MGAT4C: variants seen among roughly 807,000 people sequenced by gnomAD.
The protein encoded by MGAT4C is alpha-1,3-mannosyl-glycoprotein 4-beta-N-acetylglucosaminyltransferase C.
In MGAT4C, 19 loss-of-function variants were observed where a neutral mutation model predicts 40.1. The observed-to-expected ratio is 0.47, with a 90% CI of 0.33 to 0.70. The LOEUF is 0.70. Among genes scored for constraint, MGAT4C ranks in the 30% least tolerant of loss-of-function variants. MGAT4C has a pLI of 0.02. For missense variants in MGAT4C, 491 were observed against 563.2 expected (o/e 0.87, Z 1.30); for synonymous variants, 181 against 187.1 (o/e 0.97, Z 0.27).
intron 2 of MGAT4C, among the ~76,000 whole-genome samples, chr12:86,685,993 T>C (rs1593114167): frequency 6.6e-6 from 1 of 151,486 alleles, no homozygotes; most frequent in Admixed American, 6.6e-5. Context: ...CTCCTGAGTA[T>C]CTGGGACTAC....
chr12:86,542,537 T>C (rs1298462992), intron 2 of MGAT4C, among the ~76,000 whole-genome samples: 3 of 152,236 alleles, frequency 2.0e-5, no homozygotes, highest in African/African-American at 7.2e-5. Flanking sequence ...ACTTCTTTCA[T>C]GGCATTTTTG....
rs1414406658 is a variant in MGAT4C, at chr12:86,774,340, TGTCTCTCTCTCTCCCC to T, written c.-261-47115_-261-47100del. Among the ~76,000 whole-genome samples the T allele has an allele frequency of 1.8e-3, 142 of 80,914 alleles. 4 individuals are homozygous for T. The highest frequency in any genetic ancestry group is 3.0e-3 in the Admixed American group (23 of 7,636). The allele number at this position is 80,914 out of a possible 152,430, so 53.1% of individuals were successfully genotyped here. A position where few individuals can be genotyped will look rare whatever the true frequency, so the allele number is the denominator to read the frequency against. On this transcript the variant is annotated intron_variant, in intron 1 of 7. Transcript: ENST00000548651. ...CTTTCTTTCTTTCTTTCTTTCTTTCTGTCTCTCTCTCTCCCCTCTCTCTCTCTCTCTTTCTGTCTGT... is the reference window on the plus strand; with the variant it reads ...CTTTCTTTCTTTCTTTCTTTCTTTCTTCTCTCTCTCTCTCTTTCTGTCTGT...
chr12:86,121,884 A>G (rs1423001091), intron 1 of MGAT4C, among the ~76,000 whole-genome samples: 2 of 152,190 alleles, frequency 1.3e-5, no homozygotes, highest in African/African-American at 4.8e-5. Flanking sequence ...TTTGGAATAG[A>G]TTTTCCCCCA....
At chr12:86,045,242 A>G (rs1297640142) in intron 2 of MGAT4C, among the ~76,000 whole-genome samples, 2 of 152,206 alleles carry the variant, frequency 1.3e-5, no homozygotes, top group African/African-American at 4.8e-5. Context: ...AAATAAAAAT[A>G]TAGAGTAATA....
chr12:86,130,303 A>C (rs1306787241), intron 1 of MGAT4C, among the ~76,000 whole-genome samples: 1 of 152,174 alleles, frequency 6.6e-6, no homozygotes, highest in Non-Finnish European at 1.5e-5. Flanking sequence ...ACCCCACATA[A>C]ATCCATATTG....
chr12:86,776,271 A>G (rs1951747475), intron 1 of MGAT4C, among the ~76,000 whole-genome samples: 1 of 152,120 alleles, frequency 6.6e-6, no homozygotes, highest in South Asian at 2.1e-4. Flanking sequence ...ATGATAAAAA[A>G]TAGTTTTGAA....
chr12:86,467,440 A>C (rs925113900), intron 2 of MGAT4C, among the ~76,000 whole-genome samples: 5 of 152,182 alleles, frequency 3.3e-5, no homozygotes, highest in Admixed American at 1.3e-4. Context: ...TATGAAAGAG[A>C]AAATTCTATC....
At chr12:86,098,227 C>T (rs1020518170) in intron 1 of MGAT4C, among the ~76,000 whole-genome samples, 5 of 151,562 alleles carry the variant, frequency 3.3e-5, no homozygotes, top group African/African-American at 1.2e-4. Context: ...TGCTATGTGG[C>T]CTCTCAGCAA....
chr12:86,428,878 T>G (rs1956980762), intron 3 of MGAT4C, among the ~76,000 whole-genome samples: 2 of 152,142 alleles, frequency 1.3e-5, no homozygotes, highest in South Asian at 4.1e-4. Flanking sequence ...TAGCTAAAGT[T>G]TGACAATTTT....
chr12:86,343,883 T>TA (rs1566305015), intron 3 of MGAT4C, among the ~76,000 whole-genome samples: 6 of 152,282 alleles, frequency 3.9e-5, no homozygotes, highest in South Asian at 2.1e-4. Flanking sequence ...GTGTTTTTTT[T>TA]ATAGGTCTGT....
chr12:86,602,520 AC>A (rs1298198676), intron 2 of MGAT4C, among the ~76,000 whole-genome samples: 3 of 152,136 alleles, frequency 2.0e-5, no homozygotes, highest in Non-Finnish European at 2.9e-5. Context: ...GCTTGGAGAA[AC>A]CGAAATCTAA....
At chr12:86,084,533 TG>T (rs1361181957) in intron 1 of MGAT4C, among the ~76,000 whole-genome samples, 1 of 151,976 alleles carries the variant, frequency 6.6e-6, no homozygotes, top group Non-Finnish European at 1.5e-5. Flanking sequence ...TATTTGCAAC[TG>T]TTTTTTTAAA....
At chr12:86,083,203 T>C (rs1435022041) in intron 1 of MGAT4C, among the ~76,000 whole-genome samples, 1 of 152,022 alleles carries the variant, frequency 6.6e-6, no homozygotes, top group African/African-American at 2.4e-5. Flanking sequence ...AAATATATCA[T>C]CTCCTCTTCA....
At chr12:86,448,838 T>C (rs967185445) in intron 2 of MGAT4C, among the ~76,000 whole-genome samples, 1 of 152,192 alleles carries the variant, frequency 6.6e-6, no homozygotes, top group African/African-American at 2.4e-5. Context: ...TGTTAAAACA[T>C]ACATTTCATT....
At chr12:86,826,152 T>C (rs935426214) in intron 1 of MGAT4C, among the ~76,000 whole-genome samples, 4 of 151,488 alleles carry the variant, frequency 2.6e-5, no homozygotes, top group African/African-American at 9.7e-5. Flanking sequence ...AGCTTCCCTC[T>C]ACTCTATTGC....
intron 2 of MGAT4C, among the ~76,000 whole-genome samples, chr12:86,517,652 G>A (rs370946476): frequency 1.3e-4 from 19 of 151,376 alleles, no homozygotes; most frequent in African/African-American, 2.9e-4. Flanking sequence ...TTGTTTGTTT[G>A]TTTATTTATT....
chr12:86,623,172 T>C lies in MGAT4C; in HGVS notation c.-229+104037A>G, dbSNP rs556904027. On this transcript the variant is annotated intron_variant, in intron 2 of 7. Transcript: ENST00000548651. ...GGGGAAAGCAGAAAAATACATATAC[T>C]TGAGAAAACAACCAAACCTGTTCAA... 2.6e-5 allele frequency among the ~76,000 whole-genome samples: 4 copies of C among 152,086 alleles called. No individual in the cohort carries two copies. The South Asian group carries it at 8.3e-4, about 32-fold the overall frequency.
Position 85,960,349 on chromosome 12 carries a change from TGA to T in MGAT4C, c.*18938_*18939del, listed in dbSNP as rs1883047570. On this transcript the variant is annotated 3_prime_UTR_variant, in exon 5 of 5. Coordinates refer to ENST00000611864, the MANE Select transcript of MGAT4C (RefSeq NM_001351288.2). ...GGATATCTAATTTTGGGATGAAAAT[TGA>T]GAGAAGACAGAATTTCAAGTCTGAA... The T allele has an allele frequency of 6.6e-6, 1 of 152,050 alleles. No individual in the cohort carries two copies. The highest frequency in any genetic ancestry group is 2.4e-5 in the African/African-American group (1 of 41,454). The allele number at this position is 152,050 out of a possible 1,614,324, so 9.4% of individuals were successfully genotyped here.
intron 2 of MGAT4C, among the ~76,000 whole-genome samples, chr12:86,588,799 A>C (rs1422548988): frequency 6.6e-6 from 1 of 152,052 alleles, no homozygotes; most frequent in Non-Finnish European, 1.5e-5. Flanking sequence ...CTCCTGAATG[A>C]CTACTGGGTA....
Sources: allele counts gnomAD v4.1 joint callset (sites outside exome capture counted in the v4.1 genomes callset), GRCh38; gene constraint gnomAD v4.1.1; transcripts MANE v1.5; gene names NCBI Gene and HGNC (gene_info 2026-07-23, HGNC 2026-07-21).